ARL6IP6: variants seen among roughly 807,000 people sequenced by gnomAD.
ARL6IP6 encodes the protein ARF like GTPase 6 interacting protein 6.
ARL6IP6 carries 22 observed loss-of-function variants against 21.5 expected under a neutral mutation model. The observed-to-expected ratio is 1.02, with a 90% CI of 0.73 to 1.46. The LOEUF is 1.46. Among genes scored for constraint, ARL6IP6 ranks in the 40% most tolerant of loss-of-function variants. The pLI, the probability that ARL6IP6 is intolerant of heterozygous loss-of-function variation, is 0.00. For missense variants in ARL6IP6, 388 were observed against 299.8 expected (o/e 1.29, Z -2.17); for synonymous variants, 164 against 125.3 (o/e 1.31, Z -2.06).
Position 152,735,105 on chromosome 2 carries a change from C to T in ARL6IP6, c.566C>T (p.Pro189Leu). 6.2e-7 allele frequency: 1 copy of T among 1,613,822 alleles called. No homozygotes were observed. The highest frequency in any genetic ancestry group is 8.5e-7 in the Non-Finnish European group (1 of 1,179,826). ...GAACCAGGAATGTTTCCTCCTACTC[C>T]TCTTTCACCTGCCAGGTTCAAGTAA... ...SFEPGMFPPT[P>L]LSPARFKKLT... The change falls in exon 3 of 4, where the codon CCT becomes CTT. Residue 189 changes from proline to leucine, a missense_variant. Transcript: ENST00000326446.
Position 152,761,581 on chromosome 2 carries a change from G to A in ARL6IP6, c.*1741G>A, listed in dbSNP as rs1701846185. Among the ~76,000 whole-genome samples the A allele has an allele frequency of 1.3e-5, 2 of 152,108 alleles. No homozygotes were observed. Among genetic ancestry groups the A allele is most frequent in the African/African-American group, 2.4e-5 (1 of 41,412 alleles). On this transcript the variant is annotated 3_prime_UTR_variant, in exon 4 of 4. Coordinates refer to ENST00000326446, the MANE Select transcript of ARL6IP6 (RefSeq NM_152522.7). ...AGACAGTCATGTGCCATATAACAAC[G>A]TTTTGGTCACAACGAACTGTACTTA...
chr2:152,749,903 G>A (rs970384041), intron 3 of ARL6IP6, among the ~76,000 whole-genome samples: 11 of 152,038 alleles, frequency 7.2e-5, no homozygotes, highest in Non-Finnish European at 1.3e-4. Flanking sequence ...TTTGCCATTG[G>A]GTACTCTATT....
chr2:152,726,295 T>A (rs1240324808), intron 2 of ARL6IP6, among the ~76,000 whole-genome samples: 1 of 152,194 alleles, frequency 6.6e-6, no homozygotes, highest in African/African-American at 2.4e-5. Flanking sequence ...AATGCTACAG[T>A]CTGGGTTGCA....
At chr2:152,739,816 G>T (rs1327287475) in intron 3 of ARL6IP6, among the ~76,000 whole-genome samples, 1 of 152,182 alleles carries the variant, frequency 6.6e-6, no homozygotes, top group East Asian at 1.9e-4. Flanking sequence ...ACATGGCAGG[G>T]GAGGCCTAAC....
At chr2:152,742,561 T>C (rs372874976) in intron 3 of ARL6IP6, among the ~76,000 whole-genome samples, 1 of 124,952 alleles carries the variant, frequency 8.0e-6, no homozygotes, top group East Asian at 2.2e-4. Context: ...CAGAGCAAGA[T>C]ACGCTCTTTA....
chr2:152,735,170 C>T, intron 3 of ARL6IP6, 44 bp downstream of exon 3: 2 of 1,601,284 alleles, frequency 1.2e-6, no homozygotes, highest in Non-Finnish European at 1.7e-6. Flanking sequence ...TGCATTTCAA[C>T]TCTTGAAAAT....
intron 1 of ARL6IP6, chr2:152,719,769 A>C (rs751703743): frequency 5.9e-5 from 19 of 322,092 alleles, no homozygotes; most frequent in South Asian, 1.3e-4. Flanking sequence ...AAAAAAAAAA[A>C]AAAAACAAAA....
chr2:152,741,337 A>G (rs1461724323), intron 3 of ARL6IP6, among the ~76,000 whole-genome samples: 1 of 151,868 alleles, frequency 6.6e-6, no homozygotes, highest in African/African-American at 2.4e-5. Flanking sequence ...AAAATAAATC[A>G]TATATAACTG....
intron 3 of ARL6IP6, among the ~76,000 whole-genome samples, chr2:152,746,821 C>CT (rs61506535): frequency 0.014 from 475 of 33,050 alleles, 10 homozygotes; most frequent in African/African-American, 0.04. Context: ...TTTATCCTTT[C>CT]TTTTTTTTTT....
chr2:152,752,167 C>T (rs1701365317), intron 3 of ARL6IP6, among the ~76,000 whole-genome samples: 1 of 152,162 alleles, frequency 6.6e-6, no homozygotes, highest in Non-Finnish European at 1.5e-5. Context: ...ATAAAAATTA[C>T]ATATTCTCTA....
intron 2 of ARL6IP6, among the ~76,000 whole-genome samples, chr2:152,733,151 T>G (rs187804288): frequency 1.2e-4 from 19 of 152,344 alleles, no homozygotes; most frequent in African/African-American, 4.3e-4. Context: ...GTATCTGGTA[T>G]GGATCTAACT....
chr2:152,728,257 A>T (rs946201937), intron 2 of ARL6IP6, among the ~76,000 whole-genome samples: 2 of 152,190 alleles, frequency 1.3e-5, no homozygotes, highest in Non-Finnish European at 2.9e-5. Context: ...AGGACTTGGA[A>T]ATTACTAGTA....
intron 3 of ARL6IP6, among the ~76,000 whole-genome samples, chr2:152,738,028 C>T (rs1182360539): frequency 3.9e-5 from 6 of 152,106 alleles, no homozygotes; most frequent in South Asian, 2.1e-4. Context: ...ATAACAATGG[C>T]GGTACAAGCA....
rs912151326 is a variant in ARL6IP6 at position 152,760,811 on chromosome 2, A to G, written c.*971A>G. The G allele has an allele frequency of 3.3e-5, 5 of 152,022 alleles. No homozygotes were observed. Among genetic ancestry groups the G allele is most frequent in the African/African-American group, 1.2e-4 (5 of 41,426 alleles). The allele number at this position is 152,022 out of a possible 1,614,324, so 9.4% of individuals were successfully genotyped here. ...AACTAGTTTGTTCTTAATCTCAAAA[A>G]TTTAGTTACCAAAGTAGAAAAGGTA... is the stretch of plus-strand genomic sequence containing the variant. On this transcript the variant is annotated 3_prime_UTR_variant, in exon 4 of 4. Transcript: ENST00000326446.
At chr2:152,725,395 T>G (rs1193355075) in intron 2 of ARL6IP6, among the ~76,000 whole-genome samples, 1 of 152,158 alleles carries the variant, frequency 6.6e-6, no homozygotes, top group African/African-American at 2.4e-5. Context: ...TCATCTTTTA[T>G]GAGGTCTGCA....
At chr2:152,720,500 C>T (rs769391794) in intron 1 of ARL6IP6, 33 bp from the exon 2 acceptor site, 2 of 1,603,440 alleles carry the variant, frequency 1.2e-6, no homozygotes, top group African/African-American at 1.3e-5. Flanking sequence ...TATAGTATTG[C>T]TTTCCTACCT....
At chr2:152,755,461 T>C (rs555496383) in intron 3 of ARL6IP6, among the ~76,000 whole-genome samples, 1 of 152,318 alleles carries the variant, frequency 6.6e-6, no homozygotes, top group East Asian at 1.9e-4. Flanking sequence ...CCCACTTTCA[T>C]GTTCCATCCT....
intron 2 of ARL6IP6, among the ~76,000 whole-genome samples, chr2:152,732,870 A>G (rs568891466): frequency 7.3e-5 from 11 of 151,310 alleles, no homozygotes; most frequent in African/African-American, 2.4e-4. Context: ...GATTGGCATT[A>G]TTTTTATTGT....
chr2:152,746,821 C>CTTTTTTTTTTTTTTTTTT (rs61506535), intron 3 of ARL6IP6, among the ~76,000 whole-genome samples: 3 of 33,082 alleles, frequency 9.1e-5, no homozygotes, highest in African/African-American at 4.1e-4. Context: ...TTTATCCTTT[C>CTTTTTTTTTTTTTTTTTT]TTTTTTTTTT....
Sources: gnomAD v4.1 joint callset for allele counts (sites outside exome capture counted in the v4.1 genomes callset) on GRCh38, gnomAD v4.1.1 for gene constraint, MANE v1.5 for transcripts, NCBI Gene and HGNC (gene_info 2026-07-23, HGNC 2026-07-21) for gene names.